SPAG9: variants seen among roughly 807,000 people sequenced by gnomAD.
SPAG9 encodes the protein sperm associated antigen 9, also known as C-Jun-amino-terminal kinase-interacting protein 4.
In SPAG9, 35 loss-of-function variants were observed where a neutral mutation model predicts 166.5. The ratio of observed to expected loss-of-function variants is 0.21; its 90% CI spans 0.16 to 0.28. SPAG9 has a LOEUF of 0.28. Among genes scored for constraint, SPAG9 ranks in the 10% least tolerant of loss-of-function variants. SPAG9 has a pLI of 1.00. For synonymous variants in SPAG9, 534 were observed against 565.5 expected, an observed-to-expected ratio of 0.94 and a Z score of 0.79; for missense variants, 1,235 against 1,603.3, an observed-to-expected ratio of 0.77 and a Z score of 3.92.
chr17:51,062,121 TA>T, intron 2 of SPAG9, among the ~76,000 whole-genome samples: 1 of 152,322 alleles, frequency 6.6e-6, no homozygotes, highest in South Asian at 2.1e-4. Flanking sequence ...TAATAGACTT[TA>T]TTTTTAGAGC....
intron 3 of SPAG9, among the ~76,000 whole-genome samples, chr17:51,050,781 G>T (rs1158725470): frequency 2.0e-5 from 3 of 151,646 alleles, no homozygotes; most frequent in Admixed American, 1.3e-4. Flanking sequence ...AAAGAGAAGT[G>T]AGAAAGTAAA....
At chr17:50,969,556 A>G (rs1391298513) in intron 29 of SPAG9, among the ~76,000 whole-genome samples, 1 of 152,156 alleles carries the variant, frequency 6.6e-6, no homozygotes, top group African/African-American at 2.4e-5. Context: ...CTTGAAAGAT[A>G]AAGTACAATC....
chr17:51,114,581 G>T (rs1013700442), intron 1 of SPAG9, among the ~76,000 whole-genome samples: 1 of 152,206 alleles, frequency 6.6e-6, no homozygotes, highest in African/African-American at 2.4e-5. Flanking sequence ...AGTAAGCCAA[G>T]ATCGTGCCTC....
intron 5 of SPAG9, among the ~76,000 whole-genome samples, chr17:51,036,446 T>G (rs1015803839): frequency 1.3e-5 from 2 of 152,140 alleles, no homozygotes; most frequent in Non-Finnish European, 2.9e-5. Context: ...GCCTCGACTT[T>G]CAGCGCTCAA....
intron 8 of SPAG9, among the ~76,000 whole-genome samples, chr17:51,019,919 A>C (rs1487606939): frequency 6.6e-6 from 1 of 152,242 alleles, no homozygotes; most frequent in Non-Finnish European, 1.5e-5. Flanking sequence ...GCAGTACAAA[A>C]TAGACTAAGA....
chr17:51,026,487 T>A (rs2046178983), intron 6 of SPAG9, among the ~76,000 whole-genome samples: 1 of 151,990 alleles, frequency 6.6e-6, no homozygotes, highest in African/African-American at 2.4e-5. Context: ...GCTATCCAAA[T>A]AAAATGAAAT....
chr17:51,068,002 T>A (rs1166229159), intron 2 of SPAG9, among the ~76,000 whole-genome samples: 1 of 152,198 alleles, frequency 6.6e-6, no homozygotes, highest in Non-Finnish European at 1.5e-5. Context: ...CCCATCAGAC[T>A]GCTGATAGGC....
At chr17:51,117,227 A>C (rs1026454874) in intron 1 of SPAG9, among the ~76,000 whole-genome samples, 2 of 152,226 alleles carry the variant, frequency 1.3e-5, no homozygotes, top group African/African-American at 4.8e-5. Context: ...GAATTCCTGC[A>C]AGCAAGAGAT....
Position 51,041,396 on chromosome 17 carries a change from TACAA to T in SPAG9, c.741+101_741+104del, listed in dbSNP as rs1162985716. The T allele has an allele frequency of 3.8e-6, 4 of 1,052,978 alleles. No individual in the cohort carries two copies. The Admixed American group carries it at 1.1e-4, about 28-fold the overall frequency. The allele number at this position is 1,052,978 out of a possible 1,614,324, so 65.2% of individuals were successfully genotyped here. On this transcript the variant is annotated intron_variant, in intron 5 of 29. Coordinates refer to ENST00000262013, the MANE Select transcript of SPAG9 (RefSeq NM_001130528.3). Reference sequence around the variant, plus strand: ...AAACCAATTTTACAAACTAAATGTATACAAACAATTACATTTTACTATACTGTGG... The same window carrying T: ...AAACCAATTTTACAAACTAAATGTATACAATTACATTTTACTATACTGTGG...
intron 27 of SPAG9, among the ~76,000 whole-genome samples, chr17:50,975,588 G>A (rs1974152224): frequency 6.6e-6 from 1 of 152,068 alleles, no homozygotes. Context: ...ATTAATGACA[G>A]CTTTAAGAGA....
intron 28 of SPAG9, among the ~76,000 whole-genome samples, chr17:50,973,542 T>C (rs1384147433): frequency 6.6e-6 from 1 of 152,216 alleles, no homozygotes; most frequent in African/African-American, 2.4e-5. Context: ...TTGCCCCATG[T>C]ACATAAAATC....
At chr17:51,069,579 T>C (rs965291902) in intron 2 of SPAG9, among the ~76,000 whole-genome samples, 4 of 152,098 alleles carry the variant, frequency 2.6e-5, no homozygotes, top group Non-Finnish European at 5.9e-5. Flanking sequence ...CTTATTTAAT[T>C]CCTTTAAATA....
At chr17:50,994,584 T>A (rs1975906719) in intron 18 of SPAG9, among the ~76,000 whole-genome samples, 1 of 152,102 alleles carries the variant, frequency 6.6e-6, no homozygotes, top group South Asian at 2.1e-4. Flanking sequence ...AACCCTCGTC[T>A]CTACAAAAAA....
At chr17:51,006,278 AT>A (rs753938001) in intron 10 of SPAG9, 41 bp from the exon 11 acceptor site, 2 of 1,585,784 alleles carry the variant, frequency 1.3e-6, no homozygotes, top group Non-Finnish European at 1.7e-6. Context: ...ACAAATAAAT[AT>A]TCTTTCCATC....
Position 51,120,808 on chromosome 17 carries a change from G to A in SPAG9, c.-152C>T, listed in dbSNP as rs2049458043. The A allele has an allele frequency of 1.9e-6, 1 of 516,854 alleles. No homozygotes were observed. Among genetic ancestry groups the A allele is most frequent in the Admixed American group, 4.5e-5 (1 of 22,448 alleles). 32.0% of individuals were successfully genotyped at this position (516,854 alleles called of 1,614,324 possible). On this transcript the variant is annotated 5_prime_UTR_variant, in exon 1 of 30. Coordinates refer to ENST00000262013, the MANE Select transcript of SPAG9 (RefSeq NM_001130528.3). This position sits in a 1 kb window ranked among gnomAD's most constrained non-coding sequence, Gnocchi z 4.7. ...TGGGCCCGGCGGGGTGGGGGCCGGG[G>A]CCGGAGGAGGGGAGGGGTGGCGTAG...
At chr17:51,077,093 T>TCTAGCTAG (rs879689153) in intron 2 of SPAG9, among the ~76,000 whole-genome samples, 62 of 56,058 alleles carry the variant, frequency 1.1e-3, no homozygotes, top group African/African-American at 3.3e-3. Flanking sequence ...TAGCTAGCTA[T>TCTAGCTAG]CTATCTAGCT....
intron 8 of SPAG9, among the ~76,000 whole-genome samples, chr17:51,014,876 C>G (rs928200765): frequency 6.6e-6 from 1 of 150,894 alleles, no homozygotes; most frequent in African/African-American, 2.4e-5. Context: ...AATCAAGTTG[C>G]AAAACAGTGT....
Position 50,965,936 on chromosome 17 carries a change from C to A in SPAG9, c.*336G>T, listed in dbSNP as rs1322613731. 1.4e-5 allele frequency: 3 copies of A among 218,726 alleles called. No individual in the cohort carries two copies. Among genetic ancestry groups the A allele is most frequent in the African/African-American group, 4.5e-5 (2 of 44,840 alleles). 13.5% of individuals were successfully genotyped at this position (218,726 alleles called of 1,614,324 possible). ...TAATTCCATTATTAGTGACAGCTAA[C>A]AAGTGACCCCATCAAATGAAGTGAA... On this transcript the variant is annotated 3_prime_UTR_variant, in exon 30 of 30. Coordinates refer to ENST00000262013, the MANE Select transcript of SPAG9 (RefSeq NM_001130528.3).
At chr17:51,114,074 C>A (rs1332223514) in intron 1 of SPAG9, among the ~76,000 whole-genome samples, 3 of 150,210 alleles carry the variant, frequency 2.0e-5, no homozygotes, top group Non-Finnish European at 3.0e-5. Flanking sequence ...GCTTGTAATC[C>A]CAGCACTTTG....
Sources: gnomAD v4.1 joint callset for allele counts (sites outside exome capture counted in the v4.1 genomes callset) on GRCh38, gnomAD v4.1.1 for gene constraint, Gnocchi (gnomAD v3.1) non-coding constraint, MANE v1.5 for transcripts, NCBI Gene and HGNC (gene_info 2026-07-23, HGNC 2026-07-21) for gene names.